The following PRKD2 variants were observed in gnomAD, a reference collection of about 807,000 sequenced individuals.
The protein encoded by PRKD2 is protein kinase D2.
PRKD2 carries 22 observed loss-of-function variants against 86.0 expected under a neutral mutation model. That is an observed-to-expected ratio of 0.26 (90% confidence interval 0.18 to 0.37). The LOEUF (loss-of-function observed/expected upper bound fraction) is 0.37, where lower values mean the gene tolerates loss of function less well. Ranked by LOEUF, PRKD2 falls within the 10% of genes least tolerant of loss-of-function variation. The probability of loss-of-function intolerance (pLI) is 1.00; values close to 1 mark genes in which losing one functional copy is unlikely to be tolerated. For missense variants in PRKD2, 818 were observed against 1,199.2 expected (o/e 0.68, Z 4.70); for synonymous variants, 509 against 510.9 (o/e 1.00, Z 0.05).
At chr19:46,698,669 T>A (rs1395739652) in intron 7 of PRKD2, among the ~76,000 whole-genome samples, 4 of 152,208 alleles carry the variant, frequency 2.6e-5, no homozygotes, top group African/African-American at 9.6e-5. Flanking sequence ...AGAGATTAAG[T>A]GGCCTGCTGG....
Position 46,697,218 on chromosome 19 carries a change from C to A in PRKD2, c.1256G>T (p.Trp419Leu). The A allele has an allele frequency of 6.3e-7, 1 of 1,594,682 alleles. No homozygotes were observed. The highest frequency in any genetic ancestry group is 8.6e-7 in the Non-Finnish European group (1 of 1,162,630). ...NKDTLRKRHYWRLDCKCITLF... is the reference protein window; with the variant it reads ...NKDTLRKRHYLRLDCKCITLF... ...CGTGATACACTTGCAGTCCAGGCGC[C>A]AATAGTGCCGCTTTCTCTGCAGAGA... Residue 419 changes from tryptophan (W) to leucine (L), a missense_variant, in exon 9 of 18, where the codon TGG becomes TTG. Coordinates refer to ENST00000291281, the MANE Select transcript of PRKD2 (RefSeq NM_016457.5).
rs747070961 is a variant in PRKD2, at chr19:46,695,829, A to G, written c.1317+1328T>C. 6.4e-4 allele frequency among the ~76,000 whole-genome samples: 97 copies of G among 152,106 alleles called. 1 individual carries two copies. Among genetic ancestry groups the G allele is most frequent in the Non-Finnish European group, 1.2e-3 (80 of 67,980 alleles). ...GTCGGGGGGGCATGGTGAGGACAGC[A>G]TTATATTTTATTTTATTTTATTTTT... On this transcript the variant is annotated intron_variant, in intron 9 of 17. Coordinates refer to ENST00000291281, the MANE Select transcript of PRKD2 (RefSeq NM_016457.5).
chr19:46,679,340 C>CA (rs71340607), intron 15 of PRKD2, among the ~76,000 whole-genome samples: 3,683 of 151,916 alleles, frequency 0.024, 72 homozygotes, highest in Non-Finnish European at 0.035. Context: ...AAAAAACAAA[C>CA]AAAAAAAACA....
At chr19:46,692,305 C>A (rs1599823527) in intron 10 of PRKD2, among the ~76,000 whole-genome samples, 1 of 152,112 alleles carries the variant, frequency 6.6e-6, no homozygotes, top group South Asian at 2.1e-4. Context: ...GGCAGACTGA[C>A]CCCATTGTAC....
chr19:46,705,338 CCT>C (rs1168806769), intron 3 of PRKD2, among the ~76,000 whole-genome samples: 3 of 151,994 alleles, frequency 2.0e-5, no homozygotes, highest in East Asian at 1.9e-4. Flanking sequence ...TTTGGTTCCC[CCT>C]CTTTCCCCAA....
chr19:46,681,380 A>G (rs2053304466), intron 15 of PRKD2, among the ~76,000 whole-genome samples: 1 of 151,088 alleles, frequency 6.6e-6, no homozygotes, highest in Non-Finnish European at 1.5e-5. Flanking sequence ...TCAGCCTCCT[A>G]AGCAGCTAGG....
intron 3 of PRKD2, chr19:46,709,151 T>G (rs2122149440): frequency 6.5e-6 from 1 of 154,378 alleles, no homozygotes; most frequent in East Asian, 1.9e-4. Context: ...AATTTTTGTA[T>G]TTTTAGGAGA....
intron 13 of PRKD2, 131 bp from the exon 14 acceptor site, chr19:46,689,829 AG>A (rs1568721840): frequency 8.4e-6 from 9 of 1,074,018 alleles, no homozygotes; most frequent in Admixed American, 2.3e-5. Context: ...TGGAGAGGGA[AG>A]GGGGCTTCCC....
At chr19:46,687,200 C>T (rs2053412970) in intron 14 of PRKD2, among the ~76,000 whole-genome samples, 1 of 152,104 alleles carries the variant, frequency 6.6e-6, no homozygotes, top group African/African-American at 2.4e-5. Flanking sequence ...GAAGACCAGC[C>T]TGGGCAACAT....
In PRKD2 at chr19:46,691,775, G is replaced by A. The variant is rs376877927; in HGVS notation, c.1662C>T (p.Asp554=). ...CAAACTGCCCTGAGCCCAGCACTTC[G>A]TCAGGGAAGATCTGGTAGACAGTGG... is the stretch of plus-strand genomic sequence containing the variant. ...DIATVYQIFP[D]EVLGSGQFGV... Residue 554 remains aspartate, a synonymous_variant, in exon 12 of 18, where the codon GAC becomes GAT. Coordinates refer to ENST00000291281, the MANE Select transcript of PRKD2 (RefSeq NM_016457.5). 1.9e-5 allele frequency: 30 copies of A among 1,613,386 alleles called. No homozygotes were observed. Among genetic ancestry groups the A allele is most frequent in the African/African-American group, 4.0e-5 (3 of 74,926 alleles).
chr19:46,677,359 T>C (rs984759585), intron 16 of PRKD2: 3 of 152,348 alleles, frequency 2.0e-5, no homozygotes, highest in African/African-American at 7.2e-5. Context: ...GCCTGGCACA[T>C]CGTGGGCACT....
chr19:46,675,806 C>T (rs1314003883), intron 16 of PRKD2, among the ~76,000 whole-genome samples: 1 of 151,290 alleles, frequency 6.6e-6, no homozygotes, highest in Non-Finnish European at 1.5e-5. Context: ...CTCATTGTTA[C>T]CCAAGCTGAA....
intron 2 of PRKD2, 96 bp downstream of exon 2, chr19:46,713,767 G>C (rs867250233): frequency 8.5e-7 from 1 of 1,175,658 alleles, no homozygotes; most frequent in Admixed American, 2.6e-5. Flanking sequence ...CACTACACCC[G>C]GCCTCTCCTG....
At chr19:46,691,385 A>C (rs2053481753) in intron 12 of PRKD2, among the ~76,000 whole-genome samples, 1 of 152,090 alleles carries the variant, frequency 6.6e-6, no homozygotes, top group African/African-American at 2.4e-5. Context: ...TCTGTGGCCA[A>C]TATGAATGCA....
At chr19:46,694,611 A>C (rs908223594) in intron 9 of PRKD2, among the ~76,000 whole-genome samples, 3 of 152,046 alleles carry the variant, frequency 2.0e-5, no homozygotes, top group African/African-American at 4.8e-5. Context: ...AATAATAATA[A>C]TACTAATTAC....
intron 5 of PRKD2, among the ~76,000 whole-genome samples, chr19:46,703,389 G>A (rs1030956597): frequency 1.3e-5 from 2 of 152,166 alleles, no homozygotes; most frequent in Admixed American, 1.3e-4. Flanking sequence ...CACTTTGGGA[G>A]GCCGAGGTAG....
chr19:46,691,234 A>G (rs2053479194), intron 12 of PRKD2, among the ~76,000 whole-genome samples: 1 of 151,832 alleles, frequency 6.6e-6, no homozygotes, highest in African/African-American at 2.4e-5. Context: ...CTACCCTCCA[A>G]TCCAATCAGA....
intron 3 of PRKD2, among the ~76,000 whole-genome samples, chr19:46,707,982 C>T (rs1339060445): frequency 1.3e-5 from 2 of 151,992 alleles, no homozygotes; most frequent in African/African-American, 4.8e-5. Flanking sequence ...CCTGTAATCC[C>T]AGCTACTCGG....
rs747367197 is a variant in PRKD2, at chr19:46,704,575, G to A, written c.586C>T (p.Leu196=). 7 of 1,614,096 alleles carry A rather than the reference G, an allele frequency of 4.3e-6. No individual in the cohort carries two copies. The highest frequency in any genetic ancestry group is 1.7e-5 in the Admixed American group (1 of 60,008). ...CCACTGGCCAGAGACGTGGATGACA[G>A]GCGCCGTTTGCGGGCCCCACTACAG... ...NNCSGARKRR[L]SSTSLASGHS... The change falls in exon 4 of 18, where the codon CTG becomes TTG. Residue 196 remains leucine, a synonymous_variant. Coordinates refer to ENST00000291281, the MANE Select transcript of PRKD2 (RefSeq NM_016457.5).
Sources: allele counts gnomAD v4.1 joint callset (sites outside exome capture counted in the v4.1 genomes callset), GRCh38; gene constraint gnomAD v4.1.1; transcripts MANE v1.5; gene names NCBI Gene and HGNC (gene_info 2026-07-23, HGNC 2026-07-21).